Variants in RIMS2 observed in about 807,000 individuals in gnomAD.
RIMS2 encodes regulating synaptic membrane exocytosis 2.
RIMS2 carries 59 observed loss-of-function variants against 174.4 expected under a neutral mutation model. That is an observed-to-expected ratio of 0.34 (90% CI 0.27 to 0.42). The LOEUF (loss-of-function observed/expected upper bound fraction) is 0.42. Ranked by LOEUF, RIMS2 falls within the 10% of genes least tolerant of loss-of-function variation. RIMS2 has a pLI of 1.00. For synonymous variants in RIMS2, 606 were observed against 572.5 expected (o/e 1.06, Z -0.84); for missense variants, 1,620 against 1,666.3 (o/e 0.97, Z 0.48).
At chr8:103,515,409 A>G (rs567664133) in intron 1 of RIMS2, among the ~76,000 whole-genome samples, 56 of 152,198 alleles carry the variant, frequency 3.7e-4, no homozygotes, top group Non-Finnish European at 6.6e-4. Context: ...GTCAATAACT[A>G]CCTTTCAACA....
intron 14 of RIMS2, 62 bp downstream of exon 16, chr8:103,942,988 G>T: frequency 8.0e-7 from 1 of 1,245,258 alleles, no homozygotes; most frequent in Non-Finnish European, 1.1e-6. Context: ...AGTGATGTAT[G>T]TGATAAAGAA....
At chr8:103,662,836 A>G (rs1177545258) in intron 1 of RIMS2, among the ~76,000 whole-genome samples, 2 of 152,198 alleles carry the variant, frequency 1.3e-5, no homozygotes, top group African/African-American at 2.4e-5. Context: ...CAGAATAATA[A>G]TGTCAGCTCT....
chr8:103,792,729 A>G (rs1302695277), intron 3 of RIMS2, among the ~76,000 whole-genome samples: 1 of 152,044 alleles, frequency 6.6e-6, no homozygotes, highest in Non-Finnish European at 1.5e-5. Flanking sequence ...AATAGACGCA[A>G]TAAAAAATGA....
chr8:103,710,296 CT>C (rs2097288410), intron 2 of RIMS2, among the ~76,000 whole-genome samples: 1 of 151,952 alleles, frequency 6.6e-6, no homozygotes, highest in Admixed American at 6.6e-5. Context: ...ATAAAATAAT[CT>C]TTTGTTTTAA....
intron 19 of RIMS2, among the ~76,000 whole-genome samples, chr8:104,135,601 G>A (rs1320893220): frequency 8.7e-6 from 1 of 115,002 alleles, no homozygotes; most frequent in Non-Finnish European, 1.6e-5. Flanking sequence ...GTGAGACCTT[G>A]TCTCCCAACC....
intron 19 of RIMS2, among the ~76,000 whole-genome samples, chr8:104,115,398 A>AT (rs545973259): frequency 0.022 from 3,256 of 149,802 alleles, 122 homozygotes; most frequent in Admixed American, 0.089. Context: ...GGAGGGAAGG[A>AT]TTTTTTTTTT....
intron 19 of RIMS2, among the ~76,000 whole-genome samples, chr8:104,173,075 TA>T (rs774891321): frequency 1.3e-5 from 2 of 152,234 alleles, no homozygotes; most frequent in Non-Finnish European, 2.9e-5. Context: ...AGTCTCTGCA[TA>T]AAATTACAAT....
chr8:103,582,476 G>A lies in RIMS2; in HGVS notation c.176+81414G>A, dbSNP rs116902735. ...TAGCCACAGGGGGATAGAGCACCAAGAGGGCTCTTGGGGTCCCCAATTCTA... is the reference window on the plus strand; with the variant it reads ...TAGCCACAGGGGGATAGAGCACCAAAAGGGCTCTTGGGGTCCCCAATTCTA... On this transcript the variant is annotated intron_variant, in intron 1 of 23. Coordinates refer to ENST00000504942, the Ensembl canonical transcript of RIMS2. Among the ~76,000 whole-genome samples, 707 of 152,260 alleles carry A rather than the reference G, an allele frequency of 4.6e-3. 2 individuals carry two copies. The highest frequency in any genetic ancestry group is 8.1e-3 in the Non-Finnish European group (554 of 68,000).
intron 19 of RIMS2, chr8:104,015,559 C>T: frequency 2.1e-6 from 1 of 486,970 alleles, no homozygotes; most frequent in Non-Finnish European, 3.6e-6. Context: ...GTTGTGTAGA[C>T]TTAAATACAG....
At chr8:103,744,525 C>T (rs2097789722) in intron 2 of RIMS2, among the ~76,000 whole-genome samples, 1 of 151,868 alleles carries the variant, frequency 6.6e-6, no homozygotes, top group Non-Finnish European at 1.5e-5. Flanking sequence ...ATTAATGGTT[C>T]CTGAAAAGCT....
At chr8:103,665,435 A>G (rs1188851923) in intron 1 of RIMS2, among the ~76,000 whole-genome samples, 1 of 152,230 alleles carries the variant, frequency 6.6e-6, no homozygotes, top group Non-Finnish European at 1.5e-5. Context: ...ATTAATATTG[A>G]TAAAGAACTT....
At position 103,568,842 on chromosome 8, in the gene RIMS2, G is replaced by A. The variant is rs180721868; in HGVS notation, c.176+67780G>A. 1,108 of 1,160,426 alleles carry A rather than the reference G, an allele frequency of 9.5e-4. 6 individuals carry two copies. The Middle Eastern group carries it at 0.011, about 11-fold the overall frequency. The allele number at this position is 1,160,426 out of a possible 1,614,324, so 71.9% of individuals were successfully genotyped here. ...CTGAGCATATTCTTCTGTAGGGTTA[G>A]CTGGCTGGTCTTTGTTAATTGCTGT... is the stretch of plus-strand genomic sequence containing the variant. On this transcript the variant is annotated intron_variant, in intron 1 of 23. Transcript: ENST00000504942.
At chr8:103,579,053 A>C (rs1435821360) in intron 1 of RIMS2, among the ~76,000 whole-genome samples, 1 of 152,144 alleles carries the variant, frequency 6.6e-6, no homozygotes, top group African/African-American at 2.4e-5. Context: ...GGAGAGAGAA[A>C]GTCTTTCCCA....
intron 19 of RIMS2, among the ~76,000 whole-genome samples, chr8:104,109,895 T>C (rs1353747945): frequency 2.6e-5 from 4 of 152,296 alleles, no homozygotes; most frequent in African/African-American, 7.2e-5. Flanking sequence ...TTATTTTATT[T>C]CTTAAATTGC....
chr8:104,127,322 T>C (rs1201371842), intron 19 of RIMS2, among the ~76,000 whole-genome samples: 2 of 152,178 alleles, frequency 1.3e-5, no homozygotes, highest in Non-Finnish European at 2.9e-5. Flanking sequence ...CAAAAAAGGA[T>C]AAAACTTGAA....
chr8:103,970,957 A>T (rs1160686398), intron 15 of RIMS2, among the ~76,000 whole-genome samples: 1 of 152,150 alleles, frequency 6.6e-6, no homozygotes, highest in Non-Finnish European at 1.5e-5. Flanking sequence ...AATGTTCTTT[A>T]AAGTAAGTTG....
At chr8:103,683,990 T>C (rs144736288) in intron 1 of RIMS2, among the ~76,000 whole-genome samples, 71 of 152,320 alleles carry the variant, frequency 4.7e-4, no homozygotes, top group Non-Finnish European at 7.4e-5. Context: ...AAAGTAGATA[T>C]AAGGACTCCT....
intron 4 of RIMS2, among the ~76,000 whole-genome samples, chr8:103,892,778 G>A (rs767346797): frequency 1.3e-5 from 2 of 151,936 alleles, no homozygotes; most frequent in African/African-American, 4.8e-5. Flanking sequence ...CTGAAGTGCT[G>A]GGATTATAGC....
intron 3 of RIMS2, among the ~76,000 whole-genome samples, chr8:103,843,788 C>T (rs557093892): frequency 3.9e-5 from 6 of 152,114 alleles, no homozygotes; most frequent in Admixed American, 2.6e-4. Flanking sequence ...TCTTTTTTAT[C>T]GTCTTTTAGA....
Sources: gnomAD v4.1 joint callset for allele counts (sites outside exome capture counted in the v4.1 genomes callset) on GRCh38, gnomAD v4.1.1 for gene constraint, MANE v1.5 for transcripts, NCBI Gene and HGNC (gene_info 2026-07-23, HGNC 2026-07-21) for gene names.